Variants in SLC24A2 observed in about 807,000 individuals in gnomAD.
The protein encoded by SLC24A2 is solute carrier family 24 member 2, also known as sodium/potassium/calcium exchanger 2.
SLC24A2 carries 36 observed loss-of-function variants against 62.0 expected under a neutral mutation model. The ratio of observed to expected loss-of-function variants is 0.58; its 90% confidence interval spans 0.44 to 0.77. The LOEUF is 0.77. SLC24A2 is among the 30% of genes least tolerant of loss of function. The pLI, the probability that SLC24A2 is intolerant of heterozygous loss-of-function variation, is 0.00. For missense variants in SLC24A2, 846 were observed against 817.9 expected (o/e 1.03, Z -0.42); for synonymous variants, 358 against 294.0 (o/e 1.22, Z -2.23).
the SLC24A2 span, among the ~76,000 whole-genome samples, chr9:20,263,407 C>T: frequency 6.6e-6 from 1 of 152,066 alleles, no homozygotes; most frequent in African/African-American, 2.4e-5. Context: ...GTGCACCACA[C>T]CTGGCTATTT....
intron 2 of SLC24A2, among the ~76,000 whole-genome samples, chr9:19,743,622 A>G (rs1204500939): frequency 6.6e-6 from 1 of 152,248 alleles, no homozygotes; most frequent in East Asian, 1.9e-4. Flanking sequence ...GCATTCTATA[A>G]TATGTTCTTG....
chr9:19,859,722 G>A, the SLC24A2 span, among the ~76,000 whole-genome samples: 1 of 152,268 alleles, frequency 6.6e-6, no homozygotes, highest in South Asian at 2.1e-4. Context: ...TGAAATCAAG[G>A]ACATCACCCA....
intron 2 of SLC24A2, among the ~76,000 whole-genome samples, chr9:19,712,295 T>G (rs1259778305): frequency 6.6e-6 from 1 of 152,246 alleles, no homozygotes; most frequent in Admixed American, 6.5e-5. Context: ...AGTCTAGTAA[T>G]GACCACACTC....
chr9:19,761,485 T>TTATTTTATTTTATTC (rs1822327858), intron 2 of SLC24A2, among the ~76,000 whole-genome samples: 1 of 151,946 alleles, frequency 6.6e-6, no homozygotes, highest in African/African-American at 2.4e-5. Context: ...TTATTTTATT[T>TTATTTTATTTTATTC]TATTTTATTA....
intron 2 of SLC24A2, among the ~76,000 whole-genome samples, chr9:19,674,339 T>C (rs1819504588): frequency 2.6e-5 from 4 of 152,216 alleles, no homozygotes; most frequent in Admixed American, 6.5e-5. Context: ...TTGATGACAA[T>C]GTGCCTAGGT....
chr9:20,016,379 T>C, the SLC24A2 span, among the ~76,000 whole-genome samples: 2 of 152,206 alleles, frequency 1.3e-5, no homozygotes, highest in Non-Finnish European at 2.9e-5. Flanking sequence ...TGTGGATGTA[T>C]AATAAACTTA....
At chr9:20,194,392 C>G in the SLC24A2 span, among the ~76,000 whole-genome samples, 2 of 152,126 alleles carry the variant, frequency 1.3e-5, 1 homozygote, top group South Asian at 4.2e-4. Flanking sequence ...TTCATCCCTT[C>G]TCCAAGATTA....
the SLC24A2 span, among the ~76,000 whole-genome samples, chr9:20,240,358 G>A: frequency 6.6e-6 from 1 of 152,168 alleles, no homozygotes; most frequent in Non-Finnish European, 1.5e-5. Flanking sequence ...CAAGGAAGCT[G>A]GCCCTAAGGC....
the SLC24A2 span, among the ~76,000 whole-genome samples, chr9:20,090,815 C>A: frequency 6.6e-6 from 1 of 152,160 alleles, no homozygotes; most frequent in African/African-American, 2.4e-5. Flanking sequence ...GTCCTCCAAA[C>A]AACTGTACAA....
the SLC24A2 span, among the ~76,000 whole-genome samples, chr9:19,971,625 G>T: frequency 6.6e-6 from 1 of 152,220 alleles, no homozygotes; most frequent in South Asian, 2.1e-4. Flanking sequence ...GATATGGCAG[G>T]GTCTCTCCTG....
At chr9:19,741,595 C>G (rs1193049893) in intron 2 of SLC24A2, among the ~76,000 whole-genome samples, 1 of 152,162 alleles carries the variant, frequency 6.6e-6, no homozygotes. Context: ...TGCAATTCTA[C>G]CTCCCTGGGA....
At chr9:19,950,287 T>C in the SLC24A2 span, among the ~76,000 whole-genome samples, 1 of 152,232 alleles carries the variant, frequency 6.6e-6, no homozygotes, top group East Asian at 1.9e-4. Context: ...TATAAAGCTA[T>C]AGAAGAGTTT....
At chr9:19,738,524 G>C (rs767975142) in intron 2 of SLC24A2, among the ~76,000 whole-genome samples, 6 of 152,052 alleles carry the variant, frequency 3.9e-5, no homozygotes, top group African/African-American at 1.4e-4. Flanking sequence ...AAAAAGAAAT[G>C]AAAGGATTAG....
the SLC24A2 span, among the ~76,000 whole-genome samples, chr9:19,844,855 T>G: frequency 6.6e-6 from 1 of 152,070 alleles, no homozygotes; most frequent in Non-Finnish European, 1.5e-5. Context: ...TGGGTTCTCT[T>G]TTCTGTTCCA....
At chr9:19,787,148 T>C (rs1024995273) in intron 1 of SLC24A2, 129 bp from the exon 2 acceptor site, 1 of 333,432 alleles carries the variant, frequency 3.0e-6, no homozygotes, top group African/African-American at 2.2e-5. Context: ...AACTTCTCTG[T>C]GCCTCAGTTT....
the SLC24A2 span, among the ~76,000 whole-genome samples, chr9:19,830,686 C>T: frequency 6.6e-6 from 1 of 152,100 alleles, no homozygotes; most frequent in African/African-American, 2.4e-5. Flanking sequence ...ATCATCTAGA[C>T]CCGGCAGACT....
At chr9:19,982,115 G>A in the SLC24A2 span, among the ~76,000 whole-genome samples, 1 of 152,144 alleles carries the variant, frequency 6.6e-6, no homozygotes. Flanking sequence ...AAGTGTCTGG[G>A]AAGACTTCAT....
At chr9:19,680,851 T>TTGTGTGAGTGTGTGTGTGTG (rs1554697846) in intron 2 of SLC24A2, among the ~76,000 whole-genome samples, 1 of 146,970 alleles carries the variant, frequency 6.8e-6, no homozygotes, top group African/African-American at 2.5e-5. Flanking sequence ...TATACCAGAG[T>TTGTGTGAGTGTGTGTGTGTG]TGTGTGTGTG....
the SLC24A2 span, among the ~76,000 whole-genome samples, chr9:19,881,120 G>T: frequency 6.6e-6 from 1 of 152,098 alleles, no homozygotes; most frequent in Non-Finnish European, 1.5e-5. Context: ...TCAACCATTT[G>T]TCCTATTATT....
Sources: gnomAD v4.1 joint callset for allele counts (sites outside exome capture counted in the v4.1 genomes callset) on GRCh38, gnomAD v4.1.1 for gene constraint, MANE v1.5 for transcripts, NCBI Gene and HGNC (gene_info 2026-07-23, HGNC 2026-07-21) for gene names.